PELP1: variants seen among roughly 807,000 people sequenced by gnomAD.
PELP1 encodes proline-, glutamic acid- and leucine-rich protein 1.
In PELP1, 32 loss-of-function variants were observed where a neutral mutation model predicts 95.5. That is an observed-to-expected ratio of 0.34 (90% CI 0.25 to 0.45). The LOEUF is 0.45. Ranked by LOEUF, PELP1 falls within the 20% of genes least tolerant of loss-of-function variation. The pLI, the probability that PELP1 is intolerant of heterozygous loss-of-function variation, is 1.00. For missense variants in PELP1, 1,358 were observed against 1,444.8 expected (o/e 0.94, Z 0.97); for synonymous variants, 668 against 600.1 (o/e 1.11, Z -1.65).
Position 4,670,821 on chromosome 17 carries a change from T to G in PELP1, c.*618A>C, listed in dbSNP as rs988581598. 6.6e-6 allele frequency: 1 copy of G among 152,574 alleles called. No individual in the cohort carries two copies. Among genetic ancestry groups the G allele is most frequent in the Non-Finnish European group, 1.5e-5 (1 of 68,410 alleles). 9.5% of individuals were successfully genotyped at this position (152,574 alleles called of 1,614,324 possible). On this transcript the variant is annotated 3_prime_UTR_variant, in exon 17 of 17. Transcript: ENST00000572293. ...GCTTATCAAACTCCTGCCAGGGAGC[T>G]GTGAGGGGAACTGTCATTAGGAGGA...
At position 4,704,089 on chromosome 17, in the gene PELP1, C is replaced by A. The variant is rs1355696586; in HGVS notation, c.23G>T (p.Gly8Val). 1 of 1,609,524 alleles carries A rather than the reference C, an allele frequency of 6.2e-7. No individual in the cohort carries two copies. Among genetic ancestry groups the A allele is most frequent in the South Asian group, 1.1e-5 (1 of 90,976 alleles). Residue 8 changes from glycine (G) to valine (V), a missense_variant, in exon 1 of 17, where the codon GGG (glycine) becomes GTG (valine). By Grantham distance (109) the Gly-to-Val change is moderately radical. This residue lies in a region of PELP1 where 169 missense variants were observed against 134.9 expected (regional missense o/e 1.25). Transcript: ENST00000572293. Reference sequence around the variant, plus strand: ...CCCAGCCGCGGAGCCCGCAGAGGGCCCACTCAGAACGGCTGCCGCCATCTT... The same window carrying A: ...CCCAGCCGCGGAGCCCGCAGAGGGCACACTCAGAACGGCTGCCGCCATCTT... MAAAVLS[G>V]PSAGSAAGVP...
chr17:4,695,910 G>A (rs982789676), intron 1 of PELP1, among the ~76,000 whole-genome samples: 11 of 150,494 alleles, frequency 7.3e-5, no homozygotes, highest in African/African-American at 2.7e-4. Flanking sequence ...CAGGTGATCC[G>A]CCCACCTTGG....
At chr17:4,695,285 G>A (rs1436953468) in intron 1 of PELP1, among the ~76,000 whole-genome samples, 2 of 151,760 alleles carry the variant, frequency 1.3e-5, no homozygotes, top group African/African-American at 4.8e-5. Flanking sequence ...TCACGCCACT[G>A]CACTCCAGCC....
intron 1 of PELP1, among the ~76,000 whole-genome samples, chr17:4,703,073 T>A (rs1913609374): frequency 1.3e-5 from 2 of 152,152 alleles, no homozygotes; most frequent in Admixed American, 1.3e-4. Context: ...AACTGAATGG[T>A]TATCAGATTC....
At position 4,675,350 on chromosome 17, in the gene PELP1, C is replaced by T. The variant is rs548052628; in HGVS notation, c.1081G>A (p.Asp361Asn). The T allele has an allele frequency of 2.6e-6, 4 of 1,545,922 alleles. No homozygotes were observed. The African/African-American group carries it at 5.5e-5, about 21-fold the overall frequency. Reference sequence around the variant, plus strand: ...AGCAGCAGCAGCCGCAGGGGACCATCTCCATGCAAGCTCTGGAGAAAAAAG... The same window carrying T: ...AGCAGCAGCAGCCGCAGGGGACCATTTCCATGCAAGCTCTGGAGAAAAAAG... ...VSSKNISLHG[D>N]GPLRLLLLPS... The change falls in exon 10 of 17, where the codon GAT becomes AAT. Residue 361 changes from aspartate (D) to asparagine (N), a missense_variant. Asp to Asn is a conservative substitution (Grantham distance 23). Transcript: ENST00000572293. This position sits in a 1 kb window ranked among gnomAD's most constrained non-coding sequence, Gnocchi z 4.3.
At position 4,676,469 on chromosome 17, in the gene PELP1, C is replaced by T; in HGVS notation, c.741G>A (p.Gly247=). Reference sequence around the variant, plus strand: ...GCTTCAGGCCTTGGGAAAAGCCAGCCCCTAAAGAGGGCAGCCGGGAATAAC... The same window carrying T: ...GCTTCAGGCCTTGGGAAAAGCCAGCTCCTAAAGAGGGCAGCCGGGAATAAC... ...CECYSRLPSL[G]AGFSQGLKHT... The change falls in exon 7 of 17, where the codon GGG becomes GGA. Residue 247 remains glycine, a synonymous_variant. Transcript: ENST00000572293. 6.2e-7 allele frequency: 1 copy of T among 1,613,846 alleles called. No homozygotes were observed. Among genetic ancestry groups the T allele is most frequent in the Non-Finnish European group, 8.5e-7 (1 of 1,179,864 alleles).
intron 5 of PELP1, 51 bp downstream of exon 5, chr17:4,682,451 A>C: frequency 1.0e-5 from 12 of 1,153,486 alleles, no homozygotes; most frequent in Non-Finnish European, 1.4e-5. Context: ...AATCTGAGGT[A>C]AGAGCTCTCA....
At chr17:4,697,925 G>A (rs547212243) in intron 1 of PELP1, among the ~76,000 whole-genome samples, 2 of 149,446 alleles carry the variant, frequency 1.3e-5, no homozygotes, top group South Asian at 4.2e-4. Flanking sequence ...TTATAACAGT[G>A]AAGAAATCTG....
intron 1 of PELP1, among the ~76,000 whole-genome samples, chr17:4,694,278 G>T (rs970479560): frequency 3.3e-5 from 5 of 151,976 alleles, no homozygotes; most frequent in African/African-American, 1.2e-4. Flanking sequence ...ATGGAGTGAT[G>T]AAAATGTTCC....
chr17:4,695,232 G>GA (rs1913251681), intron 1 of PELP1, among the ~76,000 whole-genome samples: 1 of 151,998 alleles, frequency 6.6e-6, no homozygotes, highest in Non-Finnish European at 1.5e-5. Flanking sequence ...TGAGGCAGGA[G>GA]AATCGCTTGA....
At chr17:4,685,718 C>G (rs1437903713) in intron 3 of PELP1, among the ~76,000 whole-genome samples, 1 of 149,970 alleles carries the variant, frequency 6.7e-6, no homozygotes, top group East Asian at 1.9e-4. Context: ...ATGTGAGCAC[C>G]AGAGGTCAAG....
rs376510354 is a variant in PELP1, at chr17:4,671,536, T to C, written c.3301-5A>G. 4.8e-5 allele frequency: 78 copies of C among 1,613,736 alleles called. No individual in the cohort carries two copies. In the African/African-American group the frequency reaches 1.0e-3, roughly 21 times the overall value. On this transcript the variant is annotated splice_polypyrimidine_tract_variant and splice_region_variant and intron_variant, in intron 16 of 16. Transcript: ENST00000572293. The stretch of plus-strand genomic sequence containing the variant: ...GGCAGCTGTGTCATCCTGCTCCTTT[T>C]AGGCACAAAGATACAAGATTCAGAA...
At chr17:4,676,646 G>GAC in intron 6 of PELP1, 107 bp downstream of exon 6, 1 of 1,364,700 alleles carries the variant, frequency 7.3e-7, no homozygotes, top group Non-Finnish European at 1.0e-6. Context: ...GAGGCCGAAG[G>GAC]ACACAGATGG....
chr17:4,683,533 T>TTTC (rs1350682871), intron 3 of PELP1, among the ~76,000 whole-genome samples: 1 of 108,002 alleles, frequency 9.3e-6, no homozygotes, highest in East Asian at 2.2e-4. Context: ...TTTCTTTTCT[T>TTTC]TTTTTTTTTT....
intron 3 of PELP1, among the ~76,000 whole-genome samples, chr17:4,683,905 C>T (rs1912812655): frequency 1.5e-5 from 2 of 129,728 alleles, no homozygotes; most frequent in African/African-American, 3.0e-5. Flanking sequence ...GTAGCGCAAT[C>T]TTGGCTCACC....
rs1912452465 is a variant in PELP1 at position 4,675,975 on chromosome 17, G to A, written c.980+61C>T. ...TCATCTCCTTTCTCCTGATGAAGGC[G>A]ACACTCCCTCATCAATCCCTCCTGC... On this transcript the variant is annotated intron_variant, in intron 8 of 16. Coordinates refer to ENST00000572293, the MANE Select transcript of PELP1 (RefSeq NM_014389.3). This position sits in a 1 kb window ranked among gnomAD's most constrained non-coding sequence, Gnocchi z 4.3. 24 of 1,603,406 alleles carry A rather than the reference G, an allele frequency of 1.5e-5. No homozygotes were observed. The highest frequency in any genetic ancestry group is 6.7e-5 in the Admixed American group (4 of 59,362).
At position 4,675,184 on chromosome 17, in the gene PELP1, C is replaced by A; in HGVS notation, c.1169G>T (p.Arg390Leu). Residue 390 changes from arginine to leucine, a missense_variant, in exon 11 of 17, where the codon CGG (arginine) becomes CTG (leucine). Transcript: ENST00000572293. This position sits in a 1 kb window ranked among gnomAD's most constrained non-coding sequence, Gnocchi z 4.3. ...GATCAGGATCCCAAAGCGCAAGAGC[C>A]GGCTTCCACACCTGGGGCAGAGAAG... ...LSALILACGS[R>L]LLRFGILIGR... 6.2e-7 allele frequency: 1 copy of A among 1,613,602 alleles called. No homozygotes were observed. Among genetic ancestry groups the A allele is most frequent in the Non-Finnish European group, 8.5e-7 (1 of 1,179,766 alleles).
chr17:4,681,989 C>A (rs1432303515), intron 5 of PELP1, among the ~76,000 whole-genome samples: 8 of 151,972 alleles, frequency 5.3e-5, no homozygotes, highest in East Asian at 3.9e-4. Flanking sequence ...CATGGCGAGA[C>A]CCCCCTACAA....
At position 4,693,226 on chromosome 17, in the gene PELP1, A is replaced by C. The variant is rs1189659805; in HGVS notation, c.250-1784T>G. Among the ~76,000 whole-genome samples, 9 of 152,348 alleles carry C rather than the reference A, an allele frequency of 5.9e-5. 1 individual carries two copies. Among genetic ancestry groups the C allele is most frequent in the African/African-American group, 2.2e-4 (9 of 41,568 alleles). On this transcript the variant is annotated intron_variant, in intron 1 of 16. Coordinates refer to ENST00000572293, the MANE Select transcript of PELP1 (RefSeq NM_014389.3). Reference sequence around the variant, plus strand: ...AAATGAAAACCTACATCCTCACAACAACTTGTACATGGACGTTCACAGCAG... The same window carrying C: ...AAATGAAAACCTACATCCTCACAACCACTTGTACATGGACGTTCACAGCAG...
Sources: gnomAD v4.1 joint callset for allele counts (sites outside exome capture counted in the v4.1 genomes callset) on GRCh38, gnomAD v4.1.1 for gene constraint, gnomAD v4.1.1 regional missense constraint, Gnocchi (gnomAD v3.1) non-coding constraint, MANE v1.5 for transcripts, NCBI Gene and HGNC (gene_info 2026-07-23, HGNC 2026-07-21) for gene names.